TOP2A: variants seen among roughly 807,000 people sequenced by gnomAD.
TOP2A encodes the protein DNA topoisomerase 2-alpha.
TOP2A carries 68 observed loss-of-function variants against 187.2 expected under a neutral mutation model. The ratio of observed to expected loss-of-function variants is 0.36; its 90% confidence interval spans 0.30 to 0.44. The LOEUF (loss-of-function observed/expected upper bound fraction) is 0.44. Among genes scored for constraint, TOP2A ranks in the 20% least tolerant of loss-of-function variants. The probability of loss-of-function intolerance (pLI) is 1.00; values close to 1 mark genes in which losing one functional copy is unlikely to be tolerated. For missense variants in TOP2A, 1,196 were observed against 1,808.7 expected (o/e 0.66, Z 6.14); for synonymous variants, 542 against 593.2 (o/e 0.91, Z 1.25).
chr17:40,393,193 C>T (rs1468815242), intron 29 of TOP2A, among the ~76,000 whole-genome samples: 11 of 151,834 alleles, frequency 7.2e-5, no homozygotes, highest in Middle Eastern at 3.4e-3. Flanking sequence ...TGGTGGAGTG[C>T]GCCTGTGGTT....
chr17:40,406,992 G>C lies in TOP2A; in HGVS notation c.1627-50C>G, dbSNP rs768240754. ...TCAAAAGAACTGTTAGGCTGGGCGT[G>C]GTAGCTAACATCTGTAATCCCAGAA... On this transcript the variant is annotated intron_variant, in intron 13 of 34. Transcript: ENST00000423485. The C allele has an allele frequency of 4.9e-6, 7 of 1,417,722 alleles. No homozygotes were observed. The Admixed American group carries it at 7.9e-5, about 16-fold the overall frequency. The allele number at this position is 1,417,722 out of a possible 1,614,324, so 87.8% of individuals were successfully genotyped here.
chr17:40,412,037 A>G (rs1197691942), intron 7 of TOP2A, among the ~76,000 whole-genome samples: 1 of 147,662 alleles, frequency 6.8e-6, no homozygotes, highest in Non-Finnish European at 1.5e-5. Context: ...TATTAAAAAG[A>G]AAAAAAAAAA....
intron 29 of TOP2A, among the ~76,000 whole-genome samples, chr17:40,395,125 A>G: frequency 6.6e-6 from 1 of 152,112 alleles, no homozygotes; most frequent in Non-Finnish European, 1.5e-5. Context: ...TCTACTAAAA[A>G]TACAAAAAGC....
At chr17:40,408,952 T>C (rs1418606918) in intron 10 of TOP2A, 6 of 456,852 alleles carry the variant, frequency 1.3e-5, no homozygotes, top group Admixed American at 1.3e-4. Context: ...CCCAGCACTT[T>C]AGGAGGCCAA....
intron 29 of TOP2A, 87 bp downstream of exon 29, chr17:40,395,362 G>A (rs967811451): frequency 1.5e-6 from 1 of 674,954 alleles, no homozygotes; most frequent in Non-Finnish European, 2.3e-6. Context: ...TCAACAAAAA[G>A]GTTTTGAACA....
At position 40,400,284 on chromosome 17, in the gene TOP2A, T is replaced by A; in HGVS notation, c.2925A>T (p.Glu975Asp). 2.5e-6 allele frequency: 4 copies of A among 1,613,906 alleles called. No individual in the cohort carries two copies. The highest frequency in any genetic ancestry group is 3.4e-6 in the Non-Finnish European group (4 of 1,179,864). Reference sequence around the variant, plus strand: ...CAACTCTCTCTGCCTCTGCCAGTTTTTCTTCAGTCATCTTCACAACAAATT... The same window carrying A: ...CAACTCTCTCTGCCTCTGCCAGTTTATCTTCAGTCATCTTCACAACAAATT... ...TVKFVVKMTEEKLAEAERVGL... is the reference protein window; with the variant it reads ...TVKFVVKMTEDKLAEAERVGL... The change falls in exon 23 of 35, where the codon GAA becomes GAT. Residue 975 changes from glutamate to aspartate, a missense_variant. By Grantham distance (45) the Glu-to-Asp change is conservative. Transcript: ENST00000423485.
intron 34 of TOP2A, 75 bp from the exon 35 acceptor site, chr17:40,389,722 A>G: frequency 3.9e-6 from 6 of 1,520,050 alleles, no homozygotes; most frequent in East Asian, 2.3e-5. Flanking sequence ...AAATGTATCA[A>G]GACACTATAT....
rs566975839 is a variant in TOP2A, at chr17:40,406,931, A to C, written c.1638T>G (p.Gly546=). ...TAATCAGCAAGCCTTTGATGTGGGA[A>C]CCATCTTGGTCCTAGAAAGATTTGA... ...IMIMTDQDQD[G]SHIKGLLINF... is the part of the protein sequence containing the mutation. The change falls in exon 14 of 35, where the codon GGT becomes GGG. Residue 546 remains glycine (G), a synonymous_variant. Transcript: ENST00000423485. 47 of 1,596,152 alleles carry C rather than the reference A, an allele frequency of 2.9e-5. No homozygotes were observed. In the South Asian group the frequency reaches 5.0e-4, roughly 17 times the overall value.
chr17:40,389,439 A>G lies in TOP2A; in HGVS notation c.*80T>C. The G allele has an allele frequency of 6.8e-7, 1 of 1,477,722 alleles. No individual in the cohort carries two copies. The highest frequency in any genetic ancestry group is 9.1e-7 in the Non-Finnish European group (1 of 1,100,562). The allele number at this position is 1,477,722 out of a possible 1,614,324, so 91.5% of individuals were successfully genotyped here. On this transcript the variant is annotated 3_prime_UTR_variant, in exon 35 of 35. Transcript: ENST00000423485. ...CTTCCCCAAACTAAATTCAGAGGGGAGGAAGTTAAGAGCTTCAGGTAACTT... is the reference window on the plus strand; with the variant it reads ...CTTCCCCAAACTAAATTCAGAGGGGGGGAAGTTAAGAGCTTCAGGTAACTT...
At chr17:40,409,374 C>CA (rs747082446) in intron 10 of TOP2A, 13,272 of 279,136 alleles carry the variant, frequency 0.048, 30 homozygotes, top group South Asian at 0.069. Flanking sequence ...AAGCTGTCTC[C>CA]AAAAAAAAAA....
Position 40,399,344 on chromosome 17 carries a change from AT to A in TOP2A, c.3197-214del, listed in dbSNP as rs915828155. ...CAGTCAAATCATATATGATCAAATC[AT>A]TTTTTTTTGGAGACAGGGTCTCTCT... On this transcript the variant is annotated intron_variant, in intron 24 of 34. Coordinates refer to ENST00000423485, the MANE Select transcript of TOP2A (RefSeq NM_001067.4). 2.7e-3 allele frequency: 1,311 copies of A among 494,340 alleles called. 6 individuals are homozygous for A. Among genetic ancestry groups the A allele is most frequent in the South Asian group, 7.1e-3 (278 of 39,310 alleles). The allele number at this position is 494,340 out of a possible 1,614,324, so 30.6% of individuals were successfully genotyped here.
In TOP2A at chr17:40,408,638, C is replaced by A. The variant is rs376344201; in HGVS notation, c.1204-8G>T. 3 of 1,613,204 alleles carry A rather than the reference C, an allele frequency of 1.9e-6. No individual in the cohort carries two copies. In the African/African-American group the frequency reaches 4.0e-5, roughly 22 times the overall value. On this transcript the variant is annotated splice_polypyrimidine_tract_variant and splice_region_variant and intron_variant, in intron 10 of 34. Coordinates refer to ENST00000423485, the MANE Select transcript of TOP2A (RefSeq NM_001067.4). Reference sequence around the variant, plus strand: ...AATACCACAGCCAATGGCCTGAAAACGAGAAGATTCATATTAGGGATCATA... The same window carrying A: ...AATACCACAGCCAATGGCCTGAAAAAGAGAAGATTCATATTAGGGATCATA...
chr17:40,394,101 T>C (rs1440727181), intron 29 of TOP2A, among the ~76,000 whole-genome samples: 1 of 148,486 alleles, frequency 6.7e-6, no homozygotes, highest in African/African-American at 2.5e-5. Flanking sequence ...AGTACTAATA[T>C]ATGGGCTGCC....
At position 40,411,022 on chromosome 17, in the gene TOP2A, A is replaced by C; in HGVS notation, c.1203+87T>G. 7.5e-7 allele frequency: 1 copy of C among 1,338,532 alleles called. No individual in the cohort carries two copies. 82.9% of individuals were successfully genotyped at this position (1,338,532 alleles called of 1,614,324 possible). A position where few individuals can be genotyped will look rare whatever the true frequency, so the allele number is the denominator to read the frequency against. ...GGAAGACTTGGAGAAGCTCACTATG[A>C]GAAGAATCATTGTTTCTGCAGAGCT... is the stretch of plus-strand genomic sequence containing the variant. On this transcript the variant is annotated intron_variant, in intron 10 of 34. Coordinates refer to ENST00000423485, the MANE Select transcript of TOP2A (RefSeq NM_001067.4). This position sits in a 1 kb window ranked among gnomAD's most constrained non-coding sequence, Gnocchi z 4.4.
intron 16 of TOP2A, among the ~76,000 whole-genome samples, chr17:40,405,485 C>G (rs866745366): frequency 7.3e-6 from 1 of 136,600 alleles, no homozygotes; most frequent in Non-Finnish European, 1.5e-5. Context: ...GACAGAGTCT[C>G]GCTCTGTCGC....
chr17:40,395,362 G>T lies in TOP2A; in HGVS notation c.3811+87C>A, dbSNP rs967811451. 3 of 674,954 alleles carry T rather than the reference G, an allele frequency of 4.4e-6. 1 individual carries two copies. The highest frequency in any genetic ancestry group is 4.3e-5 in the South Asian group (2 of 46,050). The allele number at this position is 674,954 out of a possible 1,614,324, so 41.8% of individuals were successfully genotyped here. ...TTCACGTTTCTCAATTCAACAAAAA[G>T]GTTTTGAACATCTATGTGGAATGTA... On this transcript the variant is annotated intron_variant, in intron 29 of 34. Transcript: ENST00000423485.
Position 40,411,173 on chromosome 17 carries a change from T to C in TOP2A, c.1139A>G (p.Asn380Ser). ...NPTFDSQTKE[N>S]MTLQPKSFGS... ...AAAGCTCTTGGGTTGTAAAGTCATG[T>C]TTTCTTTTGTCTGAGAGTCAAAGGT... is the stretch of plus-strand genomic sequence containing the variant. The change falls in exon 10 of 35, where the codon AAC becomes AGC. Residue 380 changes from asparagine (N) to serine (S), a missense_variant. Physicochemically the swap from Asn to Ser is conservative, Grantham distance 46. Around this residue, in one of 10 missense-constraint regions of TOP2A, gnomAD observed 252 missense variants for 434.8 expected, o/e 0.58. Coordinates refer to ENST00000423485, the MANE Select transcript of TOP2A (RefSeq NM_001067.4). This position sits in a 1 kb window ranked among gnomAD's most constrained non-coding sequence, Gnocchi z 4.4. 6.2e-7 allele frequency: 1 copy of C among 1,613,520 alleles called. No homozygotes were observed. Among genetic ancestry groups the C allele is most frequent in the Non-Finnish European group, 8.5e-7 (1 of 1,179,718 alleles).
At chr17:40,408,249 G>T in intron 11 of TOP2A, 125 bp from the exon 12 acceptor site, 4 of 828,030 alleles carry the variant, frequency 4.8e-6, no homozygotes, top group Non-Finnish European at 7.3e-6. Context: ...AAAATTATTT[G>T]TTAGGTAATA....
chr17:40,407,486 GAAATT>G (rs1333321584), intron 13 of TOP2A, 58 bp downstream of exon 13: 41 of 1,350,168 alleles, frequency 3.0e-5, no homozygotes, highest in Non-Finnish European at 1.8e-5. Context: ...AAAAAACAAT[GAAATT>G]AAATTAAGAC....
Sources: allele counts gnomAD v4.1 joint callset (sites outside exome capture counted in the v4.1 genomes callset), GRCh38; gene constraint gnomAD v4.1.1; regional missense constraint gnomAD v4.1.1; non-coding constraint Gnocchi (gnomAD v3.1); transcripts MANE v1.5; gene names NCBI Gene and HGNC (gene_info 2026-07-23, HGNC 2026-07-21).